GRM1: variants seen among roughly 807,000 people sequenced by gnomAD.
GRM1 encodes the protein metabotropic glutamate receptor 1.
GRM1 carries 33 observed loss-of-function variants against 90.9 expected under a neutral mutation model. The observed-to-expected ratio is 0.36, with a 90% CI of 0.28 to 0.49. The LOEUF is 0.49. Among genes scored for constraint, GRM1 ranks in the 20% least tolerant of loss-of-function variants. The probability of loss-of-function intolerance (pLI) is 0.99; values close to 1 mark genes in which losing one functional copy is unlikely to be tolerated. For missense variants in GRM1, 1,190 were observed against 1,534.3 expected (o/e 0.78, Z 3.75); for synonymous variants, 700 against 613.2 (o/e 1.14, Z -2.09).
chr6:146,328,265 A>G (rs1784464582), intron 3 of GRM1, among the ~76,000 whole-genome samples: 1 of 152,166 alleles, frequency 6.6e-6, no homozygotes, highest in South Asian at 2.1e-4. Flanking sequence ...AATTAAAATA[A>G]AAGTGATACC....
intron 2 of GRM1, among the ~76,000 whole-genome samples, chr6:146,269,982 GA>G (rs1271229245): frequency 6.6e-6 from 1 of 151,282 alleles, no homozygotes; most frequent in Non-Finnish European, 1.5e-5. Context: ...AAAAAAACAA[GA>G]AATGGGGGGA....
At chr6:146,109,124 A>G (rs982479278) in intron 1 of GRM1, among the ~76,000 whole-genome samples, 2 of 152,234 alleles carry the variant, frequency 1.3e-5, no homozygotes, top group African/African-American at 4.8e-5. Flanking sequence ...CAGCTGCAGA[A>G]ATTTGCATAA....
intron 2 of GRM1, among the ~76,000 whole-genome samples, chr6:146,266,210 A>G (rs1781881315): frequency 6.6e-6 from 1 of 152,164 alleles, no homozygotes; most frequent in African/African-American, 2.4e-5. Context: ...CATATTAGAG[A>G]GTTAACTTTT....
At chr6:146,115,203 T>C (rs1429155204) in intron 1 of GRM1, among the ~76,000 whole-genome samples, 1 of 150,078 alleles carries the variant, frequency 6.7e-6, no homozygotes, top group African/African-American at 2.5e-5. Flanking sequence ...CACAGGGCTG[T>C]TTTGAGGATT....
intron 1 of GRM1, among the ~76,000 whole-genome samples, chr6:146,039,306 C>T (rs545506604): frequency 2.6e-5 from 4 of 151,962 alleles, no homozygotes; most frequent in East Asian, 3.9e-4. Context: ...TCACTATATC[C>T]GAGGAAACAA....
chr6:146,093,523 C>T (rs1490184857), intron 1 of GRM1, among the ~76,000 whole-genome samples: 1 of 152,132 alleles, frequency 6.6e-6, no homozygotes, highest in Non-Finnish European at 1.5e-5. Flanking sequence ...TCTCTAACAT[C>T]CTTTGTGGCT....
At chr6:146,227,008 C>T (rs1383813114) in intron 2 of GRM1, among the ~76,000 whole-genome samples, 1 of 151,860 alleles carries the variant, frequency 6.6e-6, no homozygotes, top group East Asian at 1.9e-4. Context: ...AAATAATCCT[C>T]CAGACATTTT....
At chr6:146,256,406 C>T (rs1781479484) in intron 2 of GRM1, among the ~76,000 whole-genome samples, 2 of 152,182 alleles carry the variant, frequency 1.3e-5, no homozygotes. Flanking sequence ...CCCTAGGCCT[C>T]TATCTGGCCC....
chr6:146,320,330 G>A (rs1314430543), intron 3 of GRM1, among the ~76,000 whole-genome samples: 1 of 152,142 alleles, frequency 6.6e-6, no homozygotes, highest in Non-Finnish European at 1.5e-5. Flanking sequence ...GATCATTCTG[G>A]ATAAGCTTTT....
intron 2 of GRM1, among the ~76,000 whole-genome samples, chr6:146,272,379 T>C (rs1782196026): frequency 6.6e-6 from 1 of 152,248 alleles, no homozygotes; most frequent in African/African-American, 2.4e-5. Flanking sequence ...TTATTTATGT[T>C]GTGGGACCTG....
intron 5 of GRM1, among the ~76,000 whole-genome samples, chr6:146,371,593 C>A (rs188927886): frequency 9.2e-5 from 14 of 152,080 alleles, no homozygotes; most frequent in Admixed American, 8.5e-4. Flanking sequence ...ACTCATTAAC[C>A]ATCCCCATCT....
intron 1 of GRM1, among the ~76,000 whole-genome samples, chr6:146,143,770 A>G (rs1776986514): frequency 6.6e-6 from 1 of 152,212 alleles, no homozygotes; most frequent in Non-Finnish European, 1.5e-5. Flanking sequence ...AATATGAAAA[A>G]TGTTTTGACA....
intron 1 of GRM1, among the ~76,000 whole-genome samples, chr6:146,090,941 A>C (rs1776695925): frequency 6.6e-6 from 1 of 152,094 alleles, no homozygotes; most frequent in South Asian, 2.1e-4. Context: ...AAAAAAACCA[A>C]AAAGAGCATA....
At chr6:146,422,678 A>C (rs985538645) in intron 7 of GRM1, among the ~76,000 whole-genome samples, 1 of 152,202 alleles carries the variant, frequency 6.6e-6, no homozygotes, top group Admixed American at 6.5e-5. Flanking sequence ...ATTTATTTGT[A>C]ACAAATTCTA....
At chr6:146,142,263 T>G (rs964356931) in intron 1 of GRM1, among the ~76,000 whole-genome samples, 5 of 152,192 alleles carry the variant, frequency 3.3e-5, no homozygotes, top group African/African-American at 1.2e-4. Flanking sequence ...AAATAGAGTC[T>G]TTCTTTCTGT....
At chr6:146,057,272 T>C (rs899832798) in intron 1 of GRM1, among the ~76,000 whole-genome samples, 21 of 152,160 alleles carry the variant, frequency 1.4e-4, no homozygotes, top group African/African-American at 4.3e-4. Flanking sequence ...CACTTTTCAA[T>C]GTAGAACTTC....
At chr6:146,394,404 T>C (rs781685637) in intron 6 of GRM1, among the ~76,000 whole-genome samples, 2 of 152,096 alleles carry the variant, frequency 1.3e-5, no homozygotes, top group African/African-American at 4.8e-5. Flanking sequence ...TAAGCAAGAA[T>C]ATACAAAGGA....
intron 2 of GRM1, among the ~76,000 whole-genome samples, chr6:146,186,003 C>T (rs1778717732): frequency 1.3e-5 from 2 of 150,638 alleles, no homozygotes; most frequent in Non-Finnish European, 2.9e-5. Flanking sequence ...GGCTGAAGTG[C>T]AGTGGTGTGA....
chr6:146,035,797 T>A (rs1157816510), intron 1 of GRM1, among the ~76,000 whole-genome samples: 2 of 152,040 alleles, frequency 1.3e-5, no homozygotes, highest in East Asian at 3.9e-4. Flanking sequence ...CTTTTATATC[T>A]TGGCTGGATT....
Sources: gnomAD v4.1 joint callset for allele counts (sites outside exome capture counted in the v4.1 genomes callset) on GRCh38, gnomAD v4.1.1 for gene constraint, MANE v1.5 for transcripts, NCBI Gene and HGNC (gene_info 2026-07-23, HGNC 2026-07-21) for gene names.